Variants in TTLL5 observed in about 807,000 individuals in gnomAD.
TTLL5 encodes the protein tubulin polyglutamylase TTLL5.
A neutral mutation model predicts 168.4 loss-of-function variants in TTLL5; 132 were observed. The ratio of observed to expected loss-of-function variants is 0.78; its 90% CI spans 0.68 to 0.91. TTLL5 has a LOEUF of 0.91. Ranked by LOEUF, TTLL5 falls within the 40% of genes least tolerant of loss-of-function variation. The probability of loss-of-function intolerance (pLI) is 0.00; values close to 1 mark genes in which losing one functional copy is unlikely to be tolerated. For synonymous variants in TTLL5, 546 were observed against 558.6 expected (o/e 0.98, Z 0.32); for missense variants, 1,545 against 1,581.5 (o/e 0.98, Z 0.39).
chr14:75,749,896 A>G (rs1889843851), intron 17 of TTLL5, among the ~76,000 whole-genome samples: 1 of 152,160 alleles, frequency 6.6e-6, no homozygotes, highest in Admixed American at 6.5e-5. Flanking sequence ...AGTTAACAGT[A>G]TGTTTATGGA....
At chr14:75,928,064 G>A (rs964200741) in intron 31 of TTLL5, among the ~76,000 whole-genome samples, 2 of 151,902 alleles carry the variant, frequency 1.3e-5, no homozygotes, top group African/African-American at 4.8e-5. Context: ...TGGTTTGCTG[G>A]GATGCTCTTG....
chr14:75,930,702 GT>G, intron 31 of TTLL5: 2 of 950,314 alleles, frequency 2.1e-6, no homozygotes. Flanking sequence ...CACTTTTATG[GT>G]TCTGAGAGAA....
intron 17 of TTLL5, among the ~76,000 whole-genome samples, chr14:75,749,147 A>G (rs759869608): frequency 2.0e-5 from 3 of 152,226 alleles, no homozygotes; most frequent in East Asian, 1.9e-4. Flanking sequence ...ATATATATGT[A>G]TATCTTTTGA....
intron 12 of TTLL5, among the ~76,000 whole-genome samples, chr14:75,723,161 C>T (rs1031816874): frequency 3.9e-5 from 6 of 152,058 alleles, no homozygotes; most frequent in African/African-American, 9.7e-5. Flanking sequence ...CACTACGTTA[C>T]CCAGTCTGGC....
Position 75,787,036 on chromosome 14 carries a change from G to A in TTLL5, c.2986+3506G>A, listed in dbSNP as rs558145206. 2.8e-4 allele frequency among the ~76,000 whole-genome samples: 43 copies of A among 152,202 alleles called. No individual in the cohort carries two copies. The South Asian group carries it at 8.9e-3, about 32-fold the overall frequency. ...TAGTCCCAGCTACTCAGGAGGTTGA[G>A]GCAAGAGAATTGCTTGAACCCGGGA... On this transcript the variant is annotated intron_variant, in intron 26 of 31. Transcript: ENST00000298832.
intron 3 of TTLL5, among the ~76,000 whole-genome samples, chr14:75,680,487 C>T (rs963697177): frequency 4.6e-5 from 7 of 152,016 alleles, no homozygotes; most frequent in African/African-American, 1.7e-4. Flanking sequence ...ATTTTTAGAG[C>T]ACCATGAGAA....
intron 30 of TTLL5, among the ~76,000 whole-genome samples, chr14:75,899,280 C>G (rs2032816458): frequency 6.6e-6 from 1 of 152,150 alleles, no homozygotes; most frequent in African/African-American, 2.4e-5. Context: ...TAAATATTTC[C>G]TAAAACACAT....
intron 5 of TTLL5, among the ~76,000 whole-genome samples, chr14:75,685,530 T>C (rs1253372572): frequency 6.6e-6 from 1 of 152,204 alleles, no homozygotes; most frequent in Non-Finnish European, 1.5e-5. Context: ...CAAATTATTC[T>C]AGGATGTACC....
At chr14:75,954,184 C>T (rs901611291) in intron 31 of TTLL5, among the ~76,000 whole-genome samples, 2 of 133,218 alleles carry the variant, frequency 1.5e-5, no homozygotes, top group Admixed American at 9.0e-5. Context: ...ACCCGGGAGG[C>T]GGAGCTTGCA....
intron 27 of TTLL5, among the ~76,000 whole-genome samples, chr14:75,808,562 A>G (rs1175278225): frequency 1.3e-5 from 2 of 152,158 alleles, no homozygotes; most frequent in Non-Finnish European, 2.9e-5. Context: ...TCCATTGGTG[A>G]AAATCTTGTA....
At chr14:75,683,497 G>C in intron 4 of TTLL5, 53 bp from the exon 5 acceptor site, 2 of 1,394,704 alleles carry the variant, frequency 1.4e-6, no homozygotes, top group East Asian at 4.6e-5. Flanking sequence ...TTTTCCTGGA[G>C]AAGGGGTATC....
intron 3 of TTLL5, among the ~76,000 whole-genome samples, chr14:75,675,713 C>T (rs536512076): frequency 1.3e-5 from 2 of 152,262 alleles, no homozygotes; most frequent in East Asian, 3.9e-4. Context: ...TTCCATTTGA[C>T]TCTTGTCATG....
intron 5 of TTLL5, 55 bp from the exon 6 acceptor site, chr14:75,690,137 C>G (rs1656922464): frequency 1.2e-6 from 2 of 1,601,122 alleles, no homozygotes; most frequent in South Asian, 2.2e-5. Context: ...TGTGATAACA[C>G]AGGAAAATTC....
chr14:75,780,885 C>T (rs1892007926), intron 24 of TTLL5, among the ~76,000 whole-genome samples: 1 of 152,008 alleles, frequency 6.6e-6, no homozygotes, highest in Admixed American at 6.5e-5. Flanking sequence ...TTACTTAGCA[C>T]CTATTATGTG....
chr14:75,766,828 G>A (rs17783192), intron 20 of TTLL5, among the ~76,000 whole-genome samples: 14,085 of 152,146 alleles, frequency 0.093, 884 homozygotes, highest in Non-Finnish European at 0.13. Flanking sequence ...GGAGCTTTGG[G>A]AAGTGATGGT....
chr14:75,754,099 A>G (rs1890107105), intron 18 of TTLL5, among the ~76,000 whole-genome samples: 1 of 152,172 alleles, frequency 6.6e-6, no homozygotes, highest in African/African-American at 2.4e-5. Flanking sequence ...GTCTTCCAAA[A>G]CTAAATTAAT....
At chr14:75,845,766 G>A (rs1406969886) in intron 28 of TTLL5, among the ~76,000 whole-genome samples, 2 of 152,180 alleles carry the variant, frequency 1.3e-5, no homozygotes, top group Non-Finnish European at 2.9e-5. Context: ...TTTGAGTCCA[G>A]GTCTTTCTGA....
At chr14:75,808,545 A>C (rs1342233175) in intron 27 of TTLL5, among the ~76,000 whole-genome samples, 1 of 151,966 alleles carries the variant, frequency 6.6e-6, no homozygotes, top group Non-Finnish European at 1.5e-5. Flanking sequence ...ATATTCTCTA[A>C]TATTTCTCCA....
At chr14:75,702,659 G>A (rs1207885246) in intron 7 of TTLL5, among the ~76,000 whole-genome samples, 2 of 92,154 alleles carry the variant, frequency 2.2e-5, no homozygotes, top group African/African-American at 6.0e-5. Context: ...TCAGTGGGGT[G>A]ACATGTCTTA....
Sources: gnomAD v4.1 joint callset for allele counts (sites outside exome capture counted in the v4.1 genomes callset) on GRCh38, gnomAD v4.1.1 for gene constraint, MANE v1.5 for transcripts, NCBI Gene and HGNC (gene_info 2026-07-23, HGNC 2026-07-21) for gene names.